Variants in CGA observed in about 807,000 individuals in gnomAD.
CGA encodes the protein glycoprotein hormones alpha chain.
A neutral mutation model predicts 12.0 loss-of-function variants in CGA; 4 were observed. The ratio of observed to expected loss-of-function variants is 0.33; its 90% CI spans 0.16 to 0.76. CGA has a LOEUF of 0.76. CGA is among the 30% of genes least tolerant of loss of function. CGA has a pLI of 0.60. For missense variants in CGA, 102 were observed against 143.5 expected, an observed-to-expected ratio of 0.71 and a Z score of 1.48; for synonymous variants, 60 against 56.6, an observed-to-expected ratio of 1.06 and a Z score of -0.27.
At chr6:87,092,560 G>A (rs998755654) in intron 1 of CGA, among the ~76,000 whole-genome samples, 1 of 150,442 alleles carries the variant, frequency 6.6e-6, no homozygotes, top group East Asian at 2.0e-4. Context: ...AAAAAGAAAA[G>A]AAGAGGAGAG....
At chr6:87,093,413 C>G (rs911235407) in intron 1 of CGA, among the ~76,000 whole-genome samples, 2 of 152,184 alleles carry the variant, frequency 1.3e-5, no homozygotes, top group Non-Finnish European at 2.9e-5. Flanking sequence ...ACAATGTTAT[C>G]TCTAAGCCTG....
intron 2 of CGA, among the ~76,000 whole-genome samples, chr6:87,087,089 G>GCAAGGCAAGA (rs1156823404): frequency 6.6e-6 from 1 of 152,052 alleles, no homozygotes; most frequent in African/African-American, 2.4e-5. Flanking sequence ...AAAAGAAAAG[G>GCAAGGCAAGA]CAAGGCAAGA....
intron 1 of CGA, among the ~76,000 whole-genome samples, chr6:87,093,953 G>C (rs12664322): frequency 0.39 from 59,001 of 151,996 alleles, 13,836 homozygotes; most frequent in African/African-American, 0.67. Context: ...TTTTATAAAT[G>C]ATGACCACTC....
intron 1 of CGA, among the ~76,000 whole-genome samples, chr6:87,089,492 GA>G (rs1260128434): frequency 7.2e-5 from 11 of 152,170 alleles, no homozygotes; most frequent in African/African-American, 2.4e-4. Context: ...GGAACAAGCT[GA>G]AGGATATACA....
At chr6:87,086,548 G>GGCA in intron 2 of CGA, 114 bp from the exon 3 acceptor site, 1 of 965,524 alleles carries the variant, frequency 1.0e-6, no homozygotes, top group Non-Finnish European at 1.5e-6. Flanking sequence ...AGGCCTTAGT[G>GGCA]GGTGGATTGC....
intron 1 of CGA, among the ~76,000 whole-genome samples, chr6:87,091,651 A>G (rs2127755262): frequency 6.6e-6 from 1 of 152,330 alleles, no homozygotes; most frequent in South Asian, 2.1e-4. Flanking sequence ...ACATCAAGAT[A>G]ATATGTGTCC....
intron 1 of CGA, among the ~76,000 whole-genome samples, chr6:87,089,458 T>C (rs1209351776): frequency 6.6e-6 from 1 of 152,196 alleles, no homozygotes; most frequent in African/African-American, 2.4e-5. Flanking sequence ...TGTACTATAG[T>C]TATACAAGAT....
At chr6:87,089,138 T>G (rs745314758) in intron 1 of CGA, 18 of 152,210 alleles carry the variant, frequency 1.2e-4, no homozygotes, top group Non-Finnish European at 2.4e-4. Flanking sequence ...GAATGCAGGC[T>G]GAATACTATA....
intron 1 of CGA, among the ~76,000 whole-genome samples, chr6:87,093,675 T>C (rs1156364317): frequency 1.3e-5 from 2 of 152,262 alleles, no homozygotes; most frequent in Non-Finnish European, 2.9e-5. Flanking sequence ...GTACATTACC[T>C]TCTAAGTTAG....
intron 2 of CGA, among the ~76,000 whole-genome samples, chr6:87,086,865 G>A (rs969544181): frequency 1.3e-4 from 19 of 151,962 alleles, no homozygotes; most frequent in African/African-American, 4.6e-4. Context: ...ATCACCAGAG[G>A]TTAGGAATTC....
At chr6:87,094,705 C>T (rs1769504901) in intron 1 of CGA, 1 of 152,172 alleles carries the variant, frequency 6.6e-6, no homozygotes, top group South Asian at 2.1e-4. Flanking sequence ...CTGGAAGCCA[C>T]TCAAAAGAAC....
intron 2 of CGA, 25 bp downstream of exon 2, chr6:87,088,088 T>C: frequency 2.7e-6 from 4 of 1,462,666 alleles, no homozygotes; most frequent in East Asian, 2.3e-5. Flanking sequence ...TCCTTATTAC[T>C]TGAACCACAA....
At chr6:87,093,263 C>G (rs184269271) in intron 1 of CGA, among the ~76,000 whole-genome samples, 49 of 152,302 alleles carry the variant, frequency 3.2e-4, no homozygotes, top group Admixed American at 8.5e-4. Context: ...TAATCCATGT[C>G]CTCCTTTATA....
intron 3 of CGA, 26 bp from the exon 4 acceptor site, chr6:87,085,859 A>G (rs1769311221): frequency 1.4e-6 from 2 of 1,449,602 alleles, no homozygotes; most frequent in Non-Finnish European, 1.9e-6. Context: ...AAAAAAACAT[A>G]TTATAGATTA....
rs1458048385 is a variant in CGA at position 87,086,047 on chromosome 6, C to T, written c.273+203G>A. 3.4e-5 allele frequency: 22 copies of T among 648,656 alleles called. No individual in the cohort carries two copies. In the East Asian group the frequency reaches 3.5e-4, roughly 10 times the overall value. 40.2% of individuals were successfully genotyped at this position (648,656 alleles called of 1,614,324 possible). A position where few individuals can be genotyped will look rare whatever the true frequency, so the allele number is the denominator to read the frequency against. ...CCCTTGTCACCTCTACCCCTATTCT[C>T]CTCATTCTGAATAAATCCAGTCTAT... On this transcript the variant is annotated intron_variant, in intron 3 of 3. Coordinates refer to ENST00000627148, the MANE Select transcript of CGA (RefSeq NM_000735.4).
In CGA at chr6:87,086,382, G is replaced by A. The variant is rs773060124; in HGVS notation, c.141C>T (p.Ala47=). ...QENPFFSQPG[A]PILQCMGCCF... ...AGCAGCCCATGCACTGAAGTATTGG[G>A]GCACCCGGCTGGGAGAAGAATGGGT... Residue 47 remains alanine (A), a synonymous_variant, in exon 3 of 4, where the codon GCC becomes GCT. Coordinates refer to ENST00000627148, the MANE Select transcript of CGA (RefSeq NM_000735.4). 2 of 1,613,672 alleles carry A rather than the reference G, an allele frequency of 1.2e-6. No individual in the cohort carries two copies. Among genetic ancestry groups the A allele is most frequent in the East Asian group, 2.2e-5 (1 of 44,896 alleles).
intron 1 of CGA, among the ~76,000 whole-genome samples, chr6:87,090,707 G>A (rs1769415960): frequency 7.0e-6 from 1 of 142,440 alleles, no homozygotes; most frequent in Admixed American, 7.5e-5. Context: ...ATGCAGTCTT[G>A]GCTCACTGCA....
At chr6:87,086,141 C>T (rs943174845) in intron 3 of CGA, 109 bp downstream of exon 3, 3 of 978,074 alleles carry the variant, frequency 3.1e-6, no homozygotes, top group Non-Finnish European at 4.7e-6. Context: ...AAATGCTCGA[C>T]AGAGGCTGGG....
At chr6:87,087,734 C>T (rs1769350089) in intron 2 of CGA, 1 of 155,844 alleles carries the variant, frequency 6.4e-6, no homozygotes, top group Non-Finnish European at 1.4e-5. Flanking sequence ...GTTTTTCTCA[C>T]TTGTTAACTG....
Sources: allele counts gnomAD v4.1 joint callset (sites outside exome capture counted in the v4.1 genomes callset), GRCh38; gene constraint gnomAD v4.1.1; transcripts MANE v1.5; gene names NCBI Gene and HGNC (gene_info 2026-07-23, HGNC 2026-07-21).